CISTR: variants seen among roughly 807,000 people sequenced by gnomAD.
The protein encoded by CISTR is chondrogenesis-associated transcript.
intron 2 of CISTR, among the ~76,000 whole-genome samples, chr12:53,748,922 G>T (rs1317663341): frequency 1.3e-5 from 2 of 152,142 alleles, no homozygotes; most frequent in Non-Finnish European, 2.9e-5. Context: ...TGGCCTTCCA[G>T]GGCCTGGGAC....
chr12:53,749,224 T>G (rs1937817345), intron 2 of CISTR, among the ~76,000 whole-genome samples: 1 of 147,904 alleles, frequency 6.8e-6, no homozygotes, highest in African/African-American at 2.5e-5. Context: ...AAAAAGGGAG[T>G]AGAGAAATTG....
intron 2 of CISTR, among the ~76,000 whole-genome samples, chr12:53,749,291 A>AGT (rs3058906): frequency 3.9e-4 from 58 of 149,116 alleles, no homozygotes; most frequent in East Asian, 1.6e-3. Flanking sequence ...GGAGGCAAGA[A>AGT]GTGTGTGTGT....
chr12:53,753,413 G>T (rs1189597972), intron 1 of CISTR, among the ~76,000 whole-genome samples: 1 of 152,202 alleles, frequency 6.6e-6, no homozygotes, highest in Non-Finnish European at 1.5e-5. Flanking sequence ...GTCAGGAGCA[G>T]CTGGAACAAG....
Position 53,756,266 on chromosome 12 carries a change from A to G in CISTR, n.414+548T>C, listed in dbSNP as rs185909509. ...GAGGTAAGTTCTTTGGGGATGAAGC[A>G]CCTGATAAATGAGGACCTGGAACTC... On this transcript the variant is annotated intron_variant and non_coding_transcript_variant, in intron 1 of 2. Coordinates refer to ENST00000669269, the Ensembl canonical transcript of CISTR. The surrounding 1 kb of genome is among the most constrained non-coding windows in gnomAD (Gnocchi z 4.0). 8.9e-4 allele frequency among the ~76,000 whole-genome samples: 136 copies of G among 152,228 alleles called. No individual in the cohort carries two copies. The highest frequency in any genetic ancestry group is 3.2e-3 in the African/African-American group (133 of 41,528).
At chr12:53,753,042 C>T (rs1470858579) in intron 1 of CISTR, among the ~76,000 whole-genome samples, 2 of 136,118 alleles carry the variant, frequency 1.5e-5, no homozygotes, top group Non-Finnish European at 3.1e-5. Flanking sequence ...ACTTCTCTCC[C>T]ATCTATACAT....
At chr12:53,749,327 A>G (rs1297589114) in intron 2 of CISTR, among the ~76,000 whole-genome samples, 1 of 151,864 alleles carries the variant, frequency 6.6e-6, no homozygotes, top group African/African-American at 2.4e-5. Flanking sequence ...TATATAAAAG[A>G]CAGGGAGCAG....
intron 2 of CISTR, among the ~76,000 whole-genome samples, chr12:53,748,442 C>G (rs374761774): frequency 6.6e-6 from 1 of 152,096 alleles, no homozygotes; most frequent in East Asian, 1.9e-4. Flanking sequence ...CAGAGTGGGT[C>G]CCAGCACTCT....
At chr12:53,754,137 A>T (rs1042569407) in intron 1 of CISTR, among the ~76,000 whole-genome samples, 3 of 152,078 alleles carry the variant, frequency 2.0e-5, no homozygotes. Context: ...GGAAGATGGA[A>T]GGCTTGAGAC....
intron 1 of CISTR, among the ~76,000 whole-genome samples, chr12:53,755,107 A>G (rs185715951): frequency 7.2e-5 from 11 of 152,342 alleles, no homozygotes; most frequent in East Asian, 3.9e-4. Context: ...ACCACATGCT[A>G]TGTGATCCTT....
At chr12:53,754,246 A>G (rs756864254) in intron 1 of CISTR, 53 of 152,220 alleles carry the variant, frequency 3.5e-4, no homozygotes, top group African/African-American at 1.0e-3. Flanking sequence ...CTAGACTTTC[A>G]CCTTCAAAGG....
chr12:53,751,336 C>T lies in CISTR; in HGVS notation n.415-371G>A, dbSNP rs528469866. Among the ~76,000 whole-genome samples, 16 of 152,238 alleles carry T rather than the reference C, an allele frequency of 1.1e-4. No individual in the cohort carries two copies. The South Asian group carries it at 3.1e-3, about 30-fold the overall frequency. On this transcript the variant is annotated intron_variant and non_coding_transcript_variant, in intron 1 of 2. Transcript: ENST00000669269. This position sits in a 1 kb window ranked among gnomAD's most constrained non-coding sequence, Gnocchi z 4.6. Reference sequence around the variant, plus strand: ...GAGCCAATCGCCAGAGATCTAATGGCTCCTTTGGCAGTGGGAAGGGGTGTG... The same window carrying T: ...GAGCCAATCGCCAGAGATCTAATGGTTCCTTTGGCAGTGGGAAGGGGTGTG...
chr12:53,748,232 G>A (rs1219434064), intron 2 of CISTR, among the ~76,000 whole-genome samples: 1 of 152,204 alleles, frequency 6.6e-6, no homozygotes, highest in Non-Finnish European at 1.5e-5. Context: ...AGGCTGCACC[G>A]CGGGCCGTCA....
At chr12:53,748,215 G>A (rs1288265646) in intron 2 of CISTR, among the ~76,000 whole-genome samples, 1 of 152,202 alleles carries the variant, frequency 6.6e-6, no homozygotes, top group African/African-American at 2.4e-5. Context: ...CCTAATCAGC[G>A]CTGCGGAGGC....
chr12:53,747,087 T>A (rs2120729425), intron 2 of CISTR, among the ~76,000 whole-genome samples: 1 of 152,330 alleles, frequency 6.6e-6, no homozygotes, highest in Admixed American at 6.5e-5. Flanking sequence ...TCTTTGGGTT[T>A]CAGCCTACAA....
At chr12:53,752,042 G>A (rs1248126784) in intron 1 of CISTR, among the ~76,000 whole-genome samples, 1 of 151,570 alleles carries the variant, frequency 6.6e-6, no homozygotes, top group Non-Finnish European at 1.5e-5. Flanking sequence ...CGCACCGCCC[G>A]CCCCGGATGC....
At chr12:53,749,965 T>C (rs368794631) in intron 2 of CISTR, among the ~76,000 whole-genome samples, 1 of 152,068 alleles carries the variant, frequency 6.6e-6, no homozygotes, top group East Asian at 1.9e-4. Context: ...AGTGGCTGCT[T>C]GAGGGCCAGT....
exon 3 of CISTR, among the ~76,000 whole-genome samples, chr12:53,746,783 G>C (rs1192487619): frequency 1.3e-5 from 2 of 152,180 alleles, no homozygotes; most frequent in African/African-American, 4.8e-5. Flanking sequence ...TCCTGTGGCC[G>C]CTGAGCCCTT....
chr12:53,751,200 T>G lies in CISTR; in HGVS notation n.415-235A>C, dbSNP rs1426790632. ...CAGGACACACACACACACTCTCTCC[T>G]GGCCTCCCTCCCGCCGCCCCTCCTC... On this transcript the variant is annotated intron_variant and non_coding_transcript_variant, in intron 1 of 2. Coordinates refer to ENST00000669269, the Ensembl canonical transcript of CISTR. This position sits in a 1 kb window ranked among gnomAD's most constrained non-coding sequence, Gnocchi z 4.6. 6.6e-6 allele frequency among the ~76,000 whole-genome samples: 1 copy of G among 152,106 alleles called. No homozygotes were observed. Among genetic ancestry groups the G allele is most frequent in the Admixed American group, 6.5e-5 (1 of 15,274 alleles).
intron 1 of CISTR, among the ~76,000 whole-genome samples, chr12:53,754,100 T>C (rs59370004): frequency 0.023 from 3,482 of 151,932 alleles, 107 homozygotes; most frequent in African/African-American, 0.078. Flanking sequence ...AGGGAGGAGA[T>C]AGAGGTGGGG....
Sources: allele counts gnomAD v4.1 joint callset (sites outside exome capture counted in the v4.1 genomes callset), GRCh38; gene constraint gnomAD v4.1.1; non-coding constraint Gnocchi (gnomAD v3.1); transcripts MANE v1.5; gene names NCBI Gene and HGNC (gene_info 2026-07-23, HGNC 2026-07-21).